CACNA1A: variants seen among roughly 807,000 people sequenced by gnomAD.
The protein encoded by CACNA1A is voltage-dependent P/Q-type calcium channel subunit alpha-1A.
In CACNA1A, 57 loss-of-function variants were observed where a neutral mutation model predicts 262.4. That is an observed-to-expected ratio of 0.22 (90% CI 0.18 to 0.27). The LOEUF (loss-of-function observed/expected upper bound fraction) is 0.27. Ranked by LOEUF, CACNA1A falls within the 10% of genes least tolerant of loss-of-function variation. The pLI, the probability that CACNA1A is intolerant of heterozygous loss-of-function variation, is 1.00. For synonymous variants in CACNA1A, 1,431 were observed against 1,419.3 expected, an observed-to-expected ratio of 1.01 and a Z score of -0.18; for missense variants, 2,526 against 3,562.8, an observed-to-expected ratio of 0.71 and a Z score of 7.41.
chr19:13,481,701 C>T (rs761060838), intron 1 of CACNA1A, among the ~76,000 whole-genome samples: 11 of 152,012 alleles, frequency 7.2e-5, no homozygotes, highest in Non-Finnish European at 1.6e-4. Flanking sequence ...CTTCTGGTTG[C>T]CAAGATAGGC....
At chr19:13,353,303 T>TTG (rs993242172) in intron 6 of CACNA1A, among the ~76,000 whole-genome samples, 23 of 151,238 alleles carry the variant, frequency 1.5e-4, no homozygotes, top group African/African-American at 5.6e-4. Context: ...ATTTTTGTTT[T>TTG]TTTTTTTTTG....
Position 13,208,856 on chromosome 19 carries a change from C to A in CACNA1A, c.6680G>T (p.Arg2227Leu), listed in dbSNP as rs1064793075. ...HHHPPPPDKD[R>L]YAQERPDHGR... ...GTGGTCCGGCCGTTCCTGGGCATAG[C>A]GGTCCTTGTCGGGGGGCGGGGGATG... Residue 2227 changes from arginine (R) to leucine (L), a missense_variant, in exon 46 of 47, where the codon CGC (arginine) becomes CTC (leucine). Physicochemically the swap from Arg to Leu is moderately radical, Grantham distance 102. Around this residue, in one of 17 missense-constraint regions of CACNA1A, gnomAD observed 929 missense variants for 868.1 expected, o/e 1.07. Transcript: ENST00000360228. The A allele has an allele frequency of 7.6e-5, 110 of 1,438,768 alleles. No individual in the cohort carries two copies. Among genetic ancestry groups the A allele is most frequent in the Non-Finnish European group, 9.9e-5 (106 of 1,068,296 alleles). The allele number at this position is 1,438,768 out of a possible 1,614,324, so 89.1% of individuals were successfully genotyped here. A position where few individuals can be genotyped will look rare whatever the true frequency, so the allele number is the denominator to read the frequency against.
chr19:13,376,231 T>C (rs1298433876), intron 3 of CACNA1A, among the ~76,000 whole-genome samples: 1 of 152,216 alleles, frequency 6.6e-6, no homozygotes, highest in Non-Finnish European at 1.5e-5. Context: ...ATTTTTAATG[T>C]AGATGAAATG....
At chr19:13,475,785 G>C (rs992899935) in intron 1 of CACNA1A, among the ~76,000 whole-genome samples, 1 of 152,116 alleles carries the variant, frequency 6.6e-6, no homozygotes, top group Non-Finnish European at 1.5e-5. Context: ...GGGGCAGAAG[G>C]AACAAGGGAA....
Position 13,301,419 on chromosome 19 carries a change from C to G in CACNA1A, c.2173-763G>C, listed in dbSNP as rs140649501. ...GGCCCCTGCCATGCACTGTCAACAG[C>G]CCCCAGAAGGAGAATGAGGAGAGGA... On this transcript the variant is annotated intron_variant, in intron 17 of 46. Transcript: ENST00000360228. Among the ~76,000 whole-genome samples the G allele has an allele frequency of 3.9e-5, 6 of 152,322 alleles. No individual in the cohort carries two copies. In the East Asian group the frequency reaches 1.2e-3, roughly 29 times the overall value.
intron 4 of CACNA1A, among the ~76,000 whole-genome samples, chr19:13,367,078 G>A (rs556598197): frequency 2.6e-5 from 4 of 151,958 alleles, no homozygotes; most frequent in African/African-American, 9.6e-5. Flanking sequence ...GCGGATTAAC[G>A]AGGTCAGGAG....
At chr19:13,283,541 G>T in intron 21 of CACNA1A, 145 bp from the exon 22 acceptor site, 1 of 1,042,606 alleles carries the variant, frequency 9.6e-7, no homozygotes, top group Non-Finnish European at 1.4e-6. Context: ...ACTCCTCCAG[G>T]TGGGGGCCCT....
intron 17 of CACNA1A, among the ~76,000 whole-genome samples, chr19:13,302,152 G>A (rs2144971725): frequency 6.6e-6 from 1 of 152,310 alleles, no homozygotes; most frequent in African/African-American, 2.4e-5. Context: ...TTACTGCTGT[G>A]TGGCCTTGGG....
intron 3 of CACNA1A, among the ~76,000 whole-genome samples, chr19:13,389,551 G>A (rs1051107119): frequency 1.3e-5 from 2 of 152,116 alleles, no homozygotes; most frequent in African/African-American, 2.4e-5. Context: ...TGCCCGCATC[G>A]CTGGAAACCC....
intron 1 of CACNA1A, among the ~76,000 whole-genome samples, chr19:13,473,225 G>A (rs1420274405): frequency 1.3e-5 from 2 of 148,752 alleles, no homozygotes; most frequent in African/African-American, 5.1e-5. Flanking sequence ...CTGTACTCTT[G>A]TACAGGGTGA....
At chr19:13,481,919 C>T (rs932591534) in intron 1 of CACNA1A, among the ~76,000 whole-genome samples, 3 of 152,000 alleles carry the variant, frequency 2.0e-5, no homozygotes, top group African/African-American at 7.3e-5. Flanking sequence ...GAGGGGCTTG[C>T]CAGGGGCACA....
intron 10 of CACNA1A, among the ~76,000 whole-genome samples, chr19:13,322,596 CT>C (rs57995542): frequency 0.32 from 46,568 of 147,232 alleles, 8,066 homozygotes; most frequent in East Asian, 0.52. Context: ...TATGATTTGT[CT>C]TTTTTTTTTT....
intron 3 of CACNA1A, among the ~76,000 whole-genome samples, chr19:13,412,452 A>C (rs10404654): frequency 0.025 from 3,842 of 151,638 alleles, 170 homozygotes; most frequent in African/African-American, 0.087. Context: ...ACTCTTTATA[A>C]TATATTTATA....
chr19:13,434,109 G>A (rs914820333), intron 3 of CACNA1A, among the ~76,000 whole-genome samples: 1 of 152,180 alleles, frequency 6.6e-6, no homozygotes, highest in African/African-American at 2.4e-5. Context: ...AAAGCCCTAA[G>A]GGCACAGCCT....
In CACNA1A at chr19:13,207,742, C is replaced by T; in HGVS notation, c.7092G>A (p.Ser2364=). 10 of 1,370,434 alleles carry T rather than the reference C, an allele frequency of 7.3e-6. 1 individual carries two copies. The highest frequency in any genetic ancestry group is 1.7e-5 in the South Asian group (1 of 57,430). 84.9% of individuals were successfully genotyped at this position (1,370,434 alleles called of 1,614,324 possible). A position where few individuals can be genotyped will look rare whatever the true frequency, so the allele number is the denominator to read the frequency against. The part of the protein sequence containing the change: ...PPTGGHSSGR[S]PRMERRVPGP... Reference sequence around the variant, plus strand: ...CTGGGACCCGCCTCTCCATCCTGGGCGAGCGGCCGCTGCTGTGGCCCCCCG... The same window carrying T: ...CTGGGACCCGCCTCTCCATCCTGGGTGAGCGGCCGCTGCTGTGGCCCCCCG... Residue 2364 remains serine, a synonymous_variant, in exon 47 of 47, where the codon TCG becomes TCA. Coordinates refer to ENST00000360228, the MANE Select transcript of CACNA1A (RefSeq NM_001127222.2). The surrounding 1 kb of genome is among the most constrained non-coding windows in gnomAD (Gnocchi z 5.7).
chr19:13,315,306 A>T (rs2058106367), intron 11 of CACNA1A: 2 of 147,602 alleles, frequency 1.4e-5, no homozygotes, highest in South Asian at 4.3e-4. Flanking sequence ...GGTTCAAGCG[A>T]TTCTCCTGCC....
chr19:13,214,794 G>A lies in CACNA1A; in HGVS notation c.5732-186C>T. Reference sequence around the variant, plus strand: ...CAGTGCTGCTGGAATGACCTTGTGGGCTCTGGTTTTCGGTGGGGCCAGGAC... The same window carrying A: ...CAGTGCTGCTGGAATGACCTTGTGGACTCTGGTTTTCGGTGGGGCCAGGAC... On this transcript the variant is annotated intron_variant, in intron 38 of 46. Coordinates refer to ENST00000360228, the MANE Select transcript of CACNA1A (RefSeq NM_001127222.2). The surrounding 1 kb of genome is among the most constrained non-coding windows in gnomAD (Gnocchi z 4.1). The A allele has an allele frequency of 1.7e-6, 1 of 601,294 alleles. No individual in the cohort carries two copies. The allele number at this position is 601,294 out of a possible 1,614,324, so 37.2% of individuals were successfully genotyped here. A position where few individuals can be genotyped will look rare whatever the true frequency, so the allele number is the denominator to read the frequency against.
Position 13,366,732 on chromosome 19 carries a change from C to A in CACNA1A, c.632-1263G>T, listed in dbSNP as rs1037432066. Among the ~76,000 whole-genome samples, 12 of 146,892 alleles carry A rather than the reference C, an allele frequency of 8.2e-5. No homozygotes were observed. In the South Asian group the frequency reaches 2.3e-3, roughly 28 times the overall value. ...GGCAACTTGCACCCAGAAGAGGGAGCCATTTTCTTAATTTTTTTTTTCTGC... is the reference window on the plus strand; with the variant it reads ...GGCAACTTGCACCCAGAAGAGGGAGACATTTTCTTAATTTTTTTTTTCTGC... On this transcript the variant is annotated intron_variant, in intron 4 of 46. Transcript: ENST00000360228.
At chr19:13,463,807 T>C (rs1453919703) in intron 1 of CACNA1A, among the ~76,000 whole-genome samples, 1 of 152,232 alleles carries the variant, frequency 6.6e-6, no homozygotes, top group East Asian at 1.9e-4. Context: ...TGCTAAATCA[T>C]GCTTCTGCTT....
Sources: allele counts gnomAD v4.1 joint callset (sites outside exome capture counted in the v4.1 genomes callset), GRCh38; gene constraint gnomAD v4.1.1; regional missense constraint gnomAD v4.1.1; non-coding constraint Gnocchi (gnomAD v3.1); transcripts MANE v1.5; gene names NCBI Gene and HGNC (gene_info 2026-07-23, HGNC 2026-07-21).